Variants in PRIM2 observed in about 807,000 individuals in gnomAD.
PRIM2 encodes the protein DNA primase large subunit.
PRIM2 carries 39 observed loss-of-function variants against 67.3 expected under a neutral mutation model. That is an observed-to-expected ratio of 0.58 (90% CI 0.45 to 0.76). The LOEUF is 0.76. PRIM2 is among the 30% of genes least tolerant of loss of function. The probability of loss-of-function intolerance (pLI) is 0.00; values close to 1 mark genes in which losing one functional copy is unlikely to be tolerated. For synonymous variants in PRIM2, 143 were observed against 198.7 expected, an observed-to-expected ratio of 0.72 and a Z score of 2.36; for missense variants, 398 against 598.7, an observed-to-expected ratio of 0.66 and a Z score of 3.50.
intron 7 of PRIM2, among the ~76,000 whole-genome samples, chr6:57,496,472 G>A (rs1469787345): frequency 6.6e-6 from 1 of 152,126 alleles, no homozygotes; most frequent in African/African-American, 2.4e-5. Flanking sequence ...GAAGCCTGTA[G>A]ATATGGTTGG....
the PRIM2 span, among the ~76,000 whole-genome samples, chr6:57,288,044 C>T: frequency 1.3e-5 from 2 of 152,154 alleles, no homozygotes; most frequent in African/African-American, 4.8e-5. Flanking sequence ...ACAGTCTATA[C>T]CTGGAGAATT....
At chr6:57,504,388 C>T (rs1279354426) in intron 7 of PRIM2, among the ~76,000 whole-genome samples, 2 of 152,072 alleles carry the variant, frequency 1.3e-5, no homozygotes, top group African/African-American at 4.8e-5. Flanking sequence ...CCCAGTAATA[C>T]TAATTTTTAA....
chr6:57,274,764 G>C, the PRIM2 span, among the ~76,000 whole-genome samples: 1 of 152,024 alleles, frequency 6.6e-6, no homozygotes, highest in African/African-American at 2.4e-5. Context: ...CTATTCAGCC[G>C]TCTTGGCTCC....
At chr6:57,397,243 T>C (rs1343850550) in intron 7 of PRIM2, among the ~76,000 whole-genome samples, 2 of 152,216 alleles carry the variant, frequency 1.3e-5, no homozygotes, top group African/African-American at 4.8e-5. Flanking sequence ...TTTTCATTTA[T>C]TATTTCCCCA....
intron 12 of PRIM2, among the ~76,000 whole-genome samples, chr6:57,612,056 T>C (rs1776676126): frequency 6.6e-6 from 1 of 152,006 alleles, no homozygotes; most frequent in Non-Finnish European, 1.5e-5. Context: ...CCAAATAGAA[T>C]TGGTCTAATT....
intron 10 of PRIM2, among the ~76,000 whole-genome samples, chr6:57,578,840 C>T (rs1158107779): frequency 2.0e-5 from 3 of 151,534 alleles, no homozygotes; most frequent in Non-Finnish European, 4.4e-5. Flanking sequence ...CCACGCCCGG[C>T]TAATTTTTTG....
intron 7 of PRIM2, among the ~76,000 whole-genome samples, chr6:57,456,576 A>G (rs1772789565): frequency 6.6e-6 from 1 of 152,048 alleles, no homozygotes; most frequent in East Asian, 1.9e-4. Flanking sequence ...AGTTGATCGA[A>G]TCGGCTACTG....
At chr6:57,261,845 T>C in the PRIM2 span, among the ~76,000 whole-genome samples, 2 of 152,224 alleles carry the variant, frequency 1.3e-5, no homozygotes, top group South Asian at 4.1e-4. Flanking sequence ...GCTCCAGGTC[T>C]CACCAGCTCT....
At chr6:57,346,570 G>A (rs1249331463) in intron 5 of PRIM2, among the ~76,000 whole-genome samples, 3 of 152,022 alleles carry the variant, frequency 2.0e-5, no homozygotes, top group Admixed American at 6.6e-5. Context: ...CGCCTACCTC[G>A]GCCTCCCAAA....
upstream of PRIM2, among the ~76,000 whole-genome samples, chr6:57,311,143 C>T: frequency 6.8e-6 from 1 of 146,590 alleles, no homozygotes; most frequent in East Asian, 2.1e-4. Flanking sequence ...GGCGGCCGTG[C>T]AGAGGCGCCC....
the PRIM2 span, among the ~76,000 whole-genome samples, chr6:57,300,929 GA>G: frequency 6.6e-6 from 1 of 152,210 alleles, no homozygotes. Flanking sequence ...GAGAGAAGGA[GA>G]TTTTGGAGAA....
At chr6:57,574,422 G>A (rs1775926015) in intron 10 of PRIM2, among the ~76,000 whole-genome samples, 1 of 152,138 alleles carries the variant, frequency 6.6e-6, no homozygotes, top group East Asian at 1.9e-4. Context: ...TGTGTGTGCT[G>A]TTCAGTTCTG....
At chr6:57,256,008 C>CTT in the PRIM2 span, among the ~76,000 whole-genome samples, 1 of 135,830 alleles carries the variant, frequency 7.4e-6, no homozygotes, top group African/African-American at 3.5e-5. Flanking sequence ...AATTTAGACA[C>CTT]GCACACACAC....
chr6:57,444,719 A>G (rs1772313204), intron 7 of PRIM2, among the ~76,000 whole-genome samples: 1 of 152,202 alleles, frequency 6.6e-6, no homozygotes, highest in Non-Finnish European at 1.5e-5. Context: ...AAAGGTTAAC[A>G]TTTTGACTGA....
intron 7 of PRIM2, among the ~76,000 whole-genome samples, chr6:57,392,926 G>C (rs528680069): frequency 1.3e-5 from 2 of 148,964 alleles, no homozygotes; most frequent in Non-Finnish European, 2.9e-5. Flanking sequence ...ACTTCACGTA[G>C]AATAGTAGTG....
intron 9 of PRIM2, among the ~76,000 whole-genome samples, chr6:57,536,859 G>T (rs1438485449): frequency 1.2e-4 from 18 of 152,202 alleles, no homozygotes. Context: ...ATAGATGGGG[G>T]TGGTTATAAA....
At chr6:57,503,512 G>A (rs1320798956) in intron 7 of PRIM2, among the ~76,000 whole-genome samples, 2 of 152,174 alleles carry the variant, frequency 1.3e-5, no homozygotes, top group Non-Finnish European at 2.9e-5. Context: ...ACTTTGGGAG[G>A]CCAAGGCGGG....
chr6:57,624,732 A>C (rs1448822808), intron 12 of PRIM2, among the ~76,000 whole-genome samples: 3 of 152,224 alleles, frequency 2.0e-5, no homozygotes, highest in Non-Finnish European at 2.9e-5. Flanking sequence ...TATAATGATG[A>C]CTAAAACTAG....
At chr6:57,268,410 G>A in the PRIM2 span, among the ~76,000 whole-genome samples, 4 of 151,990 alleles carry the variant, frequency 2.6e-5, no homozygotes, top group African/African-American at 7.3e-5. Flanking sequence ...AGACTAATAT[G>A]GCTTTTAAAA....
Sources: gnomAD v4.1 joint callset for allele counts (sites outside exome capture counted in the v4.1 genomes callset) on GRCh38, gnomAD v4.1.1 for gene constraint, MANE v1.5 for transcripts, NCBI Gene and HGNC (gene_info 2026-07-23, HGNC 2026-07-21) for gene names.